ZNF250: variants seen among roughly 807,000 people sequenced by gnomAD.
The protein encoded by ZNF250 is zinc finger protein (clone 647).
A neutral mutation model predicts 37.1 loss-of-function variants in ZNF250; 13 were observed. The observed-to-expected ratio is 0.35, with a 90% CI of 0.23 to 0.56. ZNF250 has a LOEUF of 0.56. Among genes scored for constraint, ZNF250 ranks in the 20% least tolerant of loss-of-function variants. The pLI is 0.87. For missense variants in ZNF250, 474 were observed against 697.9 expected (o/e 0.68, Z 3.61); for synonymous variants, 251 against 265.6 (o/e 0.94, Z 0.54).
In ZNF250 at chr8:144,897,257, C is replaced by G. The variant is rs1267938880; in HGVS notation, c.-55+4142G>C. Among the ~76,000 whole-genome samples the G allele has an allele frequency of 1.3e-5, 2 of 152,172 alleles. No homozygotes were observed. Among genetic ancestry groups the G allele is most frequent in the Non-Finnish European group, 2.9e-5 (2 of 68,026 alleles). On this transcript the variant is annotated intron_variant, in intron 1 of 5. Transcript: ENST00000417550. The surrounding 1 kb of genome is among the most constrained non-coding windows in gnomAD (Gnocchi z 5.2). ...CTCCTGCTCCTCATCATCCTCACTC[C>G]CTGGACTTTCTGCTAACAAGCACTG...
rs758239920 is a variant in ZNF250 at position 144,882,825 on chromosome 8, T to C, written c.358A>G (p.Lys120Glu). 2 of 1,605,666 alleles carry C rather than the reference T, an allele frequency of 1.2e-6. No homozygotes were observed. Among genetic ancestry groups the C allele is most frequent in the Non-Finnish European group, 1.7e-6 (2 of 1,175,904 alleles). Residue 120 changes from lysine (K) to glutamate (E), a missense_variant, in exon 6 of 6, where the codon AAG (lysine) becomes GAG (glutamate). By Grantham distance (56) the Lys-to-Glu change is moderately conservative. Around this residue, in one of 2 missense-constraint regions of ZNF250, gnomAD observed 192 missense variants for 227.5 expected, o/e 0.84. Transcript: ENST00000417550. This position sits in a 1 kb window ranked among gnomAD's most constrained non-coding sequence, Gnocchi z 5.5. ...SLSCPWECET[K>E]GESQNTDLSP... ...AAGTCTGTATTTTGACTCTCTCCCT[T>C]GGTTTCACATTCTGAAAGAACAAAT... is the stretch of plus-strand genomic sequence containing the variant.
In ZNF250 at chr8:144,897,457, T is replaced by A. The variant is rs1832795294; in HGVS notation, c.-55+3942A>T. ...CCTGCAACCTTTCCAGAATTAATGA[T>A]CAGAAATATGTATCCAAATTGATAG... On this transcript the variant is annotated intron_variant, in intron 1 of 5. Coordinates refer to ENST00000417550, the MANE Select transcript of ZNF250 (RefSeq NM_001109689.4). The surrounding 1 kb of genome is among the most constrained non-coding windows in gnomAD (Gnocchi z 5.2). Among the ~76,000 whole-genome samples the A allele has an allele frequency of 6.6e-6, 1 of 152,182 alleles. No homozygotes were observed. Among genetic ancestry groups the A allele is most frequent in the Non-Finnish European group, 1.5e-5 (1 of 68,042 alleles).
At position 144,882,216 on chromosome 8, in the gene ZNF250, T is replaced by A; in HGVS notation, c.967A>T (p.Ser323Cys). 1 of 1,613,978 alleles carries A rather than the reference T, an allele frequency of 6.2e-7. No homozygotes were observed. The highest frequency in any genetic ancestry group is 8.5e-7 in the Non-Finnish European group (1 of 1,179,962). Residue 323 changes from serine to cysteine, a missense_variant, in exon 6 of 6, where the codon AGC becomes TGC. By Grantham distance (112) the Ser-to-Cys change is moderately radical. Coordinates refer to ENST00000417550, the MANE Select transcript of ZNF250 (RefSeq NM_001109689.4). This position sits in a 1 kb window ranked among gnomAD's most constrained non-coding sequence, Gnocchi z 5.5. ...KAFNHSTVLR[S>C]HQRVHTGEKP... ...TCCCCAGTGTGTACCCTCTGGTGGC[T>A]CCGCAGAACAGTGCTATGGTTGAAG...
At chr8:144,900,301 G>A (rs1349982999) in intron 1 of ZNF250, among the ~76,000 whole-genome samples, 1 of 152,034 alleles carries the variant, frequency 6.6e-6, no homozygotes, top group African/African-American at 2.4e-5. Context: ...GACAAGTTAC[G>A]AACTGAAAAA....
chr8:144,879,971 CAGG>C lies in ZNF250; in HGVS notation c.*1541_*1543del, dbSNP rs988157978. 1.1e-4 allele frequency: 17 copies of C among 151,978 alleles called. No homozygotes were observed. Among genetic ancestry groups the C allele is most frequent in the African/African-American group, 4.1e-4 (17 of 41,170 alleles). 9.4% of individuals were successfully genotyped at this position (151,978 alleles called of 1,614,324 possible). ...ATTCCAGCTACTTGGGAGGCAGAGGCAGGAGAATTGCTTGAACCTGGGAGGTGG... is the reference window on the plus strand; with the variant it reads ...ATTCCAGCTACTTGGGAGGCAGAGGCAGAATTGCTTGAACCTGGGAGGTGG... On this transcript the variant is annotated 3_prime_UTR_variant, in exon 6 of 6. Coordinates refer to ENST00000417550, the MANE Select transcript of ZNF250 (RefSeq NM_001109689.4).
rs1450546557 is a variant in ZNF250 at position 144,890,951 on chromosome 8, G to A, written c.-54-548C>T. 6.6e-6 allele frequency among the ~76,000 whole-genome samples: 1 copy of A among 152,168 alleles called. No homozygotes were observed. Among genetic ancestry groups the A allele is most frequent in the Non-Finnish European group, 1.5e-5 (1 of 68,036 alleles). ...GTTCAACCAGGTATTTGAAGGGGAGGCATGGAAGTGGTCAGTTCTGGACAA... is the reference window on the plus strand; with the variant it reads ...GTTCAACCAGGTATTTGAAGGGGAGACATGGAAGTGGTCAGTTCTGGACAA... On this transcript the variant is annotated intron_variant, in intron 1 of 5. Coordinates refer to ENST00000417550, the MANE Select transcript of ZNF250 (RefSeq NM_001109689.4). This position sits in a 1 kb window ranked among gnomAD's most constrained non-coding sequence, Gnocchi z 5.1.
intron 1 of ZNF250, among the ~76,000 whole-genome samples, chr8:144,893,118 C>A (rs1832467210): frequency 6.6e-6 from 1 of 152,142 alleles, no homozygotes; most frequent in Admixed American, 6.5e-5. Context: ...CCGCCTTGGC[C>A]TCCCAAAGTG....
rs1284875405 is a variant in ZNF250, at chr8:144,890,408, G to A, written c.-54-5C>T. The stretch of plus-strand genomic sequence containing the variant: ...AAATTGAAGGAGCCTATGGGGCTGA[G>A]GAAGAGGAGGGGGCAAGTGAGGGGC... On this transcript the variant is annotated splice_polypyrimidine_tract_variant and splice_region_variant and intron_variant, in intron 1 of 5. Transcript: ENST00000417550. The surrounding 1 kb of genome is among the most constrained non-coding windows in gnomAD (Gnocchi z 5.1). 2.1e-5 allele frequency: 30 copies of A among 1,418,516 alleles called. No individual in the cohort carries two copies. Among genetic ancestry groups the A allele is most frequent in the Non-Finnish European group, 2.6e-5 (28 of 1,079,958 alleles). The allele number at this position is 1,418,516 out of a possible 1,614,324, so 87.9% of individuals were successfully genotyped here.
intron 4 of ZNF250, among the ~76,000 whole-genome samples, chr8:144,889,096 C>T (rs970376975): frequency 2.0e-5 from 3 of 152,184 alleles, no homozygotes; most frequent in African/African-American, 7.2e-5. Context: ...ACATGGGATA[C>T]CCAGTACAAC....
At position 144,878,362 on chromosome 8, in the gene ZNF250, T is replaced by C. The variant is rs1405064559; in HGVS notation, c.*3153A>G. The C allele has an allele frequency of 6.6e-6, 1 of 152,240 alleles. No homozygotes were observed. Among genetic ancestry groups the C allele is most frequent in the African/African-American group, 2.4e-5 (1 of 41,460 alleles). The allele number at this position is 152,240 out of a possible 1,614,324, so 9.4% of individuals were successfully genotyped here. On this transcript the variant is annotated 3_prime_UTR_variant, in exon 6 of 6. Transcript: ENST00000417550. ...TTCAGCCACCTCTGAAGTTAACACCTGTGTGATCTCAACTCCAGTGAACAA... is the reference window on the plus strand; with the variant it reads ...TTCAGCCACCTCTGAAGTTAACACCCGTGTGATCTCAACTCCAGTGAACAA...
Position 144,890,308 on chromosome 8 carries a change from C to T in ZNF250, c.42G>A (p.Gln14=), listed in dbSNP as rs554289416. The T allele has an allele frequency of 4.6e-6, 7 of 1,523,106 alleles. No individual in the cohort carries two copies. The East Asian group carries it at 1.2e-4, about 25-fold the overall frequency. The allele number at this position is 1,523,106 out of a possible 1,614,324, so 94.3% of individuals were successfully genotyped here. The change falls in exon 2 of 6, where the codon CAG becomes CAA. Residue 14 remains glutamine (Q), a splice_region_variant and synonymous_variant. Transcript: ENST00000417550. The surrounding 1 kb of genome is among the most constrained non-coding windows in gnomAD (Gnocchi z 5.1). ...TGCATAAGCACTGGGGACAGCTTACCTGGGGTCCTGCCGGCACTGGCAGGA... is the reference window on the plus strand; with the variant it reads ...TGCATAAGCACTGGGGACAGCTTACTTGGGGTCCTGCCGGCACTGGCAGGA... ...ARLLPVPAGP[Q]AKLTFEDVAV...
At position 144,878,029 on chromosome 8, in the gene ZNF250, T is replaced by C. The variant is rs2129639636; in HGVS notation, c.*3486A>G. 2.0e-5 allele frequency: 3 copies of C among 152,290 alleles called. No individual in the cohort carries two copies. The Middle Eastern group carries it at 0.01, about 518-fold the overall frequency. 9.4% of individuals were successfully genotyped at this position (152,290 alleles called of 1,614,324 possible). On this transcript the variant is annotated 3_prime_UTR_variant, in exon 6 of 6. Coordinates refer to ENST00000417550, the MANE Select transcript of ZNF250 (RefSeq NM_001109689.4). ...CAGCTGTGGACTCAGCTAACACAGGTTGGCAGCTTCCTTTCATAGAAGATT... is the reference window on the plus strand; with the variant it reads ...CAGCTGTGGACTCAGCTAACACAGGCTGGCAGCTTCCTTTCATAGAAGATT...
rs979161871 is a variant in ZNF250, at chr8:144,897,490, G to C, written c.-55+3909C>G. Among the ~76,000 whole-genome samples the C allele has an allele frequency of 6.6e-6, 1 of 152,170 alleles. No individual in the cohort carries two copies. The highest frequency in any genetic ancestry group is 2.4e-5 in the African/African-American group (1 of 41,434). On this transcript the variant is annotated intron_variant, in intron 1 of 5. Transcript: ENST00000417550. The surrounding 1 kb of genome is among the most constrained non-coding windows in gnomAD (Gnocchi z 5.2). ...ATGTATCCAAATTGATAGCTTTCTG[G>C]TCGGGCACAGTGGCTCATGCCTGTA...
Position 144,890,074 on chromosome 8 carries a change from GC to G in ZNF250, c.43-16del. The stretch of plus-strand genomic sequence containing the variant: ...GTCAGCTTGGCCTGGAACGACAGGG[GC>G]TGCTGCAGGTAAAACCAAATCCTGA... On this transcript the variant is annotated splice_polypyrimidine_tract_variant and intron_variant, in intron 2 of 5. Transcript: ENST00000417550. The surrounding 1 kb of genome is among the most constrained non-coding windows in gnomAD (Gnocchi z 5.1). 6.2e-7 allele frequency: 1 copy of G among 1,609,534 alleles called. No individual in the cohort carries two copies. Among genetic ancestry groups the G allele is most frequent in the South Asian group, 1.1e-5 (1 of 90,262 alleles).
intron 4 of ZNF250, among the ~76,000 whole-genome samples, chr8:144,887,164 C>G (rs879788304): frequency 6.9e-6 from 1 of 145,528 alleles, no homozygotes; most frequent in Admixed American, 7.2e-5. Context: ...GCAGGAGAAT[C>G]GCTTGAACCC....
At chr8:144,883,495 A>T (rs766137158) in intron 5 of ZNF250, among the ~76,000 whole-genome samples, 7 of 152,042 alleles carry the variant, frequency 4.6e-5, no homozygotes, top group Non-Finnish European at 7.4e-5. Flanking sequence ...GCACACCATC[A>T]TGCCTGGCTA....
intron 5 of ZNF250, among the ~76,000 whole-genome samples, chr8:144,883,973 G>T (rs1414901633): frequency 6.7e-6 from 1 of 150,268 alleles, no homozygotes; most frequent in Non-Finnish European, 1.5e-5. Flanking sequence ...GCTGCTTGGG[G>T]CTCATATGAT....
chr8:144,880,692 C>T lies in ZNF250; in HGVS notation c.*823G>A, dbSNP rs1353145611. 1.5e-5 allele frequency: 5 copies of T among 328,310 alleles called. No homozygotes were observed. The highest frequency in any genetic ancestry group is 2.4e-5 in the South Asian group (1 of 41,846). 20.3% of individuals were successfully genotyped at this position (328,310 alleles called of 1,614,324 possible). A position where few individuals can be genotyped will look rare whatever the true frequency, so the allele number is the denominator to read the frequency against. ...CAGCCTGGCCAACACGGTGAAACTC[C>T]GTCTCTACTAAAAATACAAAAATTA... On this transcript the variant is annotated 3_prime_UTR_variant, in exon 6 of 6. Transcript: ENST00000417550.
chr8:144,882,397 GCTCA>G lies in ZNF250; in HGVS notation c.782_785del (p.Val261AlafsTer84). 1 of 1,614,062 alleles carries G rather than the reference GCTCA, an allele frequency of 6.2e-7. No homozygotes were observed. The highest frequency in any genetic ancestry group is 2.2e-5 in the East Asian group (1 of 44,864). On this transcript the variant is annotated frameshift_variant, in exon 6 of 6. Coordinates refer to ENST00000417550, the MANE Select transcript of ZNF250 (RefSeq NM_001109689.4). LOFTEE classifies it high-confidence loss of function. This position sits in a 1 kb window ranked among gnomAD's most constrained non-coding sequence, Gnocchi z 5.5. ...TCTTGTGATGCTGAGCAAGATCTGAGCTCACTCTAAAGGCTTTTCCACACTCATT... is the reference window on the plus strand; with the variant it reads ...TCTTGTGATGCTGAGCAAGATCTGAGCTCTAAAGGCTTTTCCACACTCATT...
Sources: allele counts gnomAD v4.1 joint callset (sites outside exome capture counted in the v4.1 genomes callset), GRCh38; gene constraint gnomAD v4.1.1; regional missense constraint gnomAD v4.1.1; non-coding constraint Gnocchi (gnomAD v3.1); transcripts MANE v1.5; gene names NCBI Gene and HGNC (gene_info 2026-07-23, HGNC 2026-07-21).